The following GEMIN5 variants were observed in gnomAD, a reference collection of about 807,000 sequenced individuals.
GEMIN5 encodes gem nuclear organelle associated protein 5.
Under a neutral mutation model 176.9 loss-of-function variants are expected in GEMIN5, and 124 were observed. The ratio of observed to expected loss-of-function variants is 0.70; its 90% confidence interval spans 0.61 to 0.81. The LOEUF (loss-of-function observed/expected upper bound fraction) is 0.81, where lower values mean the gene tolerates loss of function less well. Ranked by LOEUF, GEMIN5 falls within the 40% of genes least tolerant of loss-of-function variation. GEMIN5 has a pLI of 0.00. For synonymous variants in GEMIN5, 673 were observed against 665.2 expected (o/e 1.01, Z -0.18); for missense variants, 1,843 against 1,814.6 (o/e 1.02, Z -0.28).
In GEMIN5 at chr5:154,888,121, C is replaced by A; in HGVS notation, c.*89G>T. The A allele has an allele frequency of 1.6e-6, 2 of 1,216,952 alleles. No homozygotes were observed. Among genetic ancestry groups the A allele is most frequent in the African/African-American group, 1.5e-5 (1 of 66,364 alleles). 75.4% of individuals were successfully genotyped at this position (1,216,952 alleles called of 1,614,324 possible). A position where few individuals can be genotyped will look rare whatever the true frequency, so the allele number is the denominator to read the frequency against. On this transcript the variant is annotated 3_prime_UTR_variant, in exon 28 of 28. Transcript: ENST00000285873. ...GGATTACTGCAAAAACATCTAGGGA[C>A]CAGAGTGAATGTCTGGTGAGGCATA... is the stretch of plus-strand genomic sequence containing the variant.
chr5:154,924,475 G>T lies in GEMIN5; in HGVS notation c.1373C>A (p.Ser458Tyr). 6.2e-7 allele frequency: 1 copy of T among 1,602,330 alleles called. No individual in the cohort carries two copies. Residue 458 changes from serine (S) to tyrosine (Y), a missense_variant, in exon 9 of 28, where the codon TCC becomes TAC. Transcript: ENST00000285873. The stretch of plus-strand genomic sequence containing the variant: ...AGAATCACCCATTTCTTACTTGTTG[G>T]AGTAGGTGTCATACAATCCCACTTT... ...DGKVGLYDTY[S>Y]NKPPQISSTY...
At chr5:154,933,970 T>C (rs1764214821) in intron 3 of GEMIN5, among the ~76,000 whole-genome samples, 1 of 152,132 alleles carries the variant, frequency 6.6e-6, no homozygotes, top group African/African-American at 2.4e-5. Flanking sequence ...TGTCTTTCCA[T>C]ACATCCCCCT....
chr5:154,908,171 CCTTTTTTTTTTTTTT>C (rs1763612517), intron 15 of GEMIN5, among the ~76,000 whole-genome samples: 1 of 88,708 alleles, frequency 1.1e-5, no homozygotes, highest in Non-Finnish European at 2.2e-5. Context: ...ACCCAGATGT[CCTTTTTTTTTTTTTT>C]TTTTTTTTTT....
intron 15 of GEMIN5, 30 bp downstream of exon 15, chr5:154,911,697 G>A: frequency 1.2e-5 from 19 of 1,577,586 alleles, no homozygotes; most frequent in Non-Finnish European, 1.6e-5. Flanking sequence ...GGGAGAAAAA[G>A]AATTAGATAA....
intron 13 of GEMIN5, among the ~76,000 whole-genome samples, chr5:154,916,155 T>C (rs1013720610): frequency 2.6e-5 from 4 of 152,078 alleles, no homozygotes; most frequent in Admixed American, 6.5e-5. Context: ...CCCAAAGTGC[T>C]AGGATTACAG....
chr5:154,888,274 TCTTGGGC>T lies in GEMIN5; in HGVS notation c.4456_4462del (p.Ala1486SerfsTer33). The stretch of plus-strand genomic sequence containing the variant: ...CGTGTTGCCGTATTTCTGAAGGAGC[TCTTGGGC>T]CTGCTGCTGCATTTCCTGGGCCAGA... On this transcript the variant is annotated frameshift_variant, in exon 28 of 28. Transcript: ENST00000285873. LOFTEE classifies it high-confidence loss of function. The T allele has an allele frequency of 6.2e-7, 1 of 1,614,162 alleles. No homozygotes were observed. Among genetic ancestry groups the T allele is most frequent in the South Asian group, 1.1e-5 (1 of 91,080 alleles).
At chr5:154,894,735 G>A (rs551131030) in intron 24 of GEMIN5, among the ~76,000 whole-genome samples, 1 of 152,058 alleles carries the variant, frequency 6.6e-6, no homozygotes, top group East Asian at 1.9e-4. Flanking sequence ...TGAAACCCCT[G>A]TCTCTACTAA....
chr5:154,931,418 A>T (rs1764158712), intron 5 of GEMIN5, 40 bp downstream of exon 5: 2 of 1,569,940 alleles, frequency 1.3e-6, no homozygotes, highest in African/African-American at 2.7e-5. Flanking sequence ...CTTCCACCAG[A>T]TCAACATAGG....
chr5:154,927,618 G>A, intron 6 of GEMIN5, 68 bp from the exon 7 acceptor site: 1 of 1,203,680 alleles, frequency 8.3e-7, no homozygotes, highest in Non-Finnish European at 1.2e-6. Flanking sequence ...TGTTGAGACA[G>A]AGTCTGGGCT....
At chr5:154,919,917 G>A in intron 11 of GEMIN5, 50 bp downstream of exon 11, 2 of 1,540,264 alleles carry the variant, frequency 1.3e-6, no homozygotes, top group Non-Finnish European at 1.8e-6. Flanking sequence ...GGGAAACACA[G>A]AGGGATCTGT....
intron 3 of GEMIN5, 104 bp downstream of exon 3, chr5:154,935,737 T>C (rs1341743600): frequency 2.6e-6 from 2 of 769,198 alleles, no homozygotes; most frequent in Non-Finnish European, 4.3e-6. Context: ...TTAACATCTG[T>C]AGATGGTTTC....
At chr5:154,937,633 T>G (rs1402582030) in intron 1 of GEMIN5, among the ~76,000 whole-genome samples, 1 of 152,162 alleles carries the variant, frequency 6.6e-6, no homozygotes, top group African/African-American at 2.4e-5. Flanking sequence ...CCTGCAGCTG[T>G]GGTTAGCCCC....
intron 13 of GEMIN5, among the ~76,000 whole-genome samples, chr5:154,914,825 T>A (rs1763780423): frequency 1.3e-5 from 2 of 152,198 alleles, no homozygotes; most frequent in Non-Finnish European, 2.9e-5. Flanking sequence ...TAAGTTAAAC[T>A]AACAAACTGA....
intron 21 of GEMIN5, among the ~76,000 whole-genome samples, chr5:154,900,045 C>T (rs555514616): frequency 2.0e-5 from 3 of 152,080 alleles, no homozygotes; most frequent in East Asian, 1.9e-4. Flanking sequence ...AAACAACCAA[C>T]AGTATTTGTT....
chr5:154,910,871 T>C (rs1474960553), intron 15 of GEMIN5, among the ~76,000 whole-genome samples: 2 of 152,126 alleles, frequency 1.3e-5, no homozygotes, highest in Non-Finnish European at 1.5e-5. Context: ...GGTAATTTTT[T>C]GTATTTTTAG....
Position 154,911,809 on chromosome 5 carries a change from TG to T in GEMIN5, c.2084del (p.Pro695GlnfsTer55). 1 of 1,613,930 alleles carries T rather than the reference TG, an allele frequency of 6.2e-7. No individual in the cohort carries two copies. Among genetic ancestry groups the T allele is most frequent in the Non-Finnish European group, 8.5e-7 (1 of 1,179,766 alleles). ...LLCVAWSPLD[P>X]DCIYSGADDF... is the part of the protein sequence containing the mutation. Reference sequence around the variant, plus strand: ...CATCTGCCCCTGAATAGATGCAGTCTGGATCCAAAGGAGACCATGCCACACA... The same window carrying T: ...CATCTGCCCCTGAATAGATGCAGTCTGATCCAAAGGAGACCATGCCACACA... On this transcript the variant is annotated frameshift_variant, in exon 15 of 28. Coordinates refer to ENST00000285873, the MANE Select transcript of GEMIN5 (RefSeq NM_015465.5). LOFTEE classifies it high-confidence loss of function.
Position 154,891,622 on chromosome 5 carries a change from C to G in GEMIN5, c.3881G>C (p.Arg1294Thr). 1 of 1,614,142 alleles carries G rather than the reference C, an allele frequency of 6.2e-7. No homozygotes were observed. Among genetic ancestry groups the G allele is most frequent in the Non-Finnish European group, 8.5e-7 (1 of 1,180,032 alleles). Residue 1294 changes from arginine (R) to threonine (T), a missense_variant, in exon 26 of 28, where the codon AGA (arginine) becomes ACA (threonine). Arg to Thr is a moderately conservative substitution (Grantham distance 71). Coordinates refer to ENST00000285873, the MANE Select transcript of GEMIN5 (RefSeq NM_015465.5). ...CCAGACACTGGAATTTGGGCAAGGTCTGGAGAGAGACCACCAGAATTCATA... is the reference window on the plus strand; with the variant it reads ...CCAGACACTGGAATTTGGGCAAGGTGTGGAGAGAGACCACCAGAATTCATA... ...RLYEFWWSLS[R>T]PCPNSSVWVR...
rs568263818 is a variant in GEMIN5, at chr5:154,926,180, T to C, written c.1081-106A>G. On this transcript the variant is annotated intron_variant, in intron 7 of 27. Transcript: ENST00000285873. ...AGGCTCAAAGACTGGGTAAGGATAA[T>C]GCATGTCTTCCAGCAGGAATTGAAG... is the stretch of plus-strand genomic sequence containing the variant. 2.6e-5 allele frequency: 17 copies of C among 666,574 alleles called. No homozygotes were observed. The South Asian group carries it at 3.1e-4, about 12-fold the overall frequency. 41.3% of individuals were successfully genotyped at this position (666,574 alleles called of 1,614,324 possible).
rs1379038126 is a variant in GEMIN5, at chr5:154,898,579, C to A, written c.3206G>T (p.Arg1069Ile). The A allele has an allele frequency of 6.2e-7, 1 of 1,614,196 alleles. No homozygotes were observed. Among genetic ancestry groups the A allele is most frequent in the Non-Finnish European group, 8.5e-7 (1 of 1,180,020 alleles). Residue 1069 changes from arginine (R) to isoleucine (I), a missense_variant, in exon 23 of 28, where the codon AGA (arginine) becomes ATA (isoleucine). Coordinates refer to ENST00000285873, the MANE Select transcript of GEMIN5 (RefSeq NM_015465.5). ...LAKKGDAASL[R>I]TAAELAAIVG... is the part of the protein sequence containing the mutation. ...GATGGCAGCCAACTCTGCAGCCGTT[C>A]TAAGTGATGCCGCATCCCCCTTTTT... is the stretch of plus-strand genomic sequence containing the variant.
Sources: gnomAD v4.1 joint callset for allele counts (sites outside exome capture counted in the v4.1 genomes callset) on GRCh38, gnomAD v4.1.1 for gene constraint, MANE v1.5 for transcripts, NCBI Gene and HGNC (gene_info 2026-07-23, HGNC 2026-07-21) for gene names.